Variants in STPG2 observed in about 807,000 individuals in gnomAD.
STPG2 encodes the protein sperm tail PG-rich repeat containing 2.
Under a neutral mutation model 54.2 loss-of-function variants are expected in STPG2, and 56 were observed. The ratio of observed to expected loss-of-function variants is 1.03; its 90% CI spans 0.83 to 1.29. The LOEUF (loss-of-function observed/expected upper bound fraction) is 1.29. STPG2 is among the 50% of genes most tolerant of loss of function. STPG2 has a pLI of 0.00. For missense variants in STPG2, 596 were observed against 544.9 expected (o/e 1.09, Z -0.93); for synonymous variants, 200 against 181.8 (o/e 1.10, Z -0.81).
intron 5 of STPG2, among the ~76,000 whole-genome samples, chr4:98,048,194 G>A (rs1389231183): frequency 6.6e-6 from 1 of 152,114 alleles, no homozygotes; most frequent in Non-Finnish European, 1.5e-5. Flanking sequence ...ATGAAGCAAT[G>A]TATTATAATC....
chr4:97,632,771 T>G (rs1451865139), intron 10 of STPG2, among the ~76,000 whole-genome samples: 2 of 152,168 alleles, frequency 1.3e-5, no homozygotes, highest in Non-Finnish European at 2.9e-5. Context: ...GAAATAGAAC[T>G]AATTTCTCCA....
chr4:97,593,447 T>C (rs1331096768), intron 10 of STPG2, among the ~76,000 whole-genome samples: 1 of 152,108 alleles, frequency 6.6e-6, no homozygotes, highest in Non-Finnish European at 1.5e-5. Flanking sequence ...CAACCGCAAT[T>C]CTTGCCTAGC....
At chr4:97,993,447 A>T (rs1309044629) in intron 5 of STPG2, among the ~76,000 whole-genome samples, 1 of 152,052 alleles carries the variant, frequency 6.6e-6, no homozygotes, top group Non-Finnish European at 1.5e-5. Context: ...ATAGTGGATT[A>T]TCTTTTGTAT....
At chr4:97,984,617 G>T (rs1464519594) in intron 5 of STPG2, among the ~76,000 whole-genome samples, 2 of 151,948 alleles carry the variant, frequency 1.3e-5, no homozygotes, top group Admixed American at 6.6e-5. Flanking sequence ...TTTGTTTTCA[G>T]TTTAGTTTTT....
At chr4:97,890,165 T>A (rs943959221) in intron 8 of STPG2, among the ~76,000 whole-genome samples, 6 of 152,054 alleles carry the variant, frequency 3.9e-5, no homozygotes, top group African/African-American at 1.4e-4. Context: ...TAATCCTGAA[T>A]GTTTCCCACA....
intron 9 of STPG2, among the ~76,000 whole-genome samples, chr4:97,802,235 T>C (rs1727422587): frequency 1.3e-5 from 2 of 152,176 alleles, no homozygotes. Flanking sequence ...TTTTGAATGA[T>C]GTGGTTTCAC....
rs116148746 is a variant in STPG2 at position 97,458,311 on chromosome 4, A to G, written c.462+254388T>C. ...GATGCAAAATTGGTTTAAAATTAAT[A>G]TGAACTGAAGAACAATTCATTTGTC... On this transcript the variant is annotated intron_variant, in intron 4 of 4. Transcript: ENST00000522676. 4.8e-3 allele frequency among the ~76,000 whole-genome samples: 731 copies of G among 152,322 alleles called. 3 individuals are homozygous for G. The highest frequency in any genetic ancestry group is 0.017 in the African/African-American group (691 of 41,574).
At chr4:98,093,480 G>A (rs866628451) in intron 5 of STPG2, among the ~76,000 whole-genome samples, 1 of 151,988 alleles carries the variant, frequency 6.6e-6, no homozygotes, top group Non-Finnish European at 1.5e-5. Flanking sequence ...TACTATAGGA[G>A]GGGGATAAAG....
At chr4:97,877,820 T>C (rs190754758) in intron 8 of STPG2, among the ~76,000 whole-genome samples, 2 of 152,118 alleles carry the variant, frequency 1.3e-5, no homozygotes, top group Admixed American at 1.3e-4. Context: ...TCCCCAAAAG[T>C]CTTAACTCAT....
chr4:97,867,260 T>C (rs1729826054), intron 8 of STPG2, among the ~76,000 whole-genome samples: 1 of 151,988 alleles, frequency 6.6e-6, no homozygotes. Context: ...GGTATTTTGC[T>C]GTCTCATTAT....
chr4:97,944,055 T>C, intron 7 of STPG2, 48 bp from the exon 8 acceptor site: 2 of 1,178,718 alleles, frequency 1.7e-6, no homozygotes, highest in Non-Finnish European at 2.5e-6. Flanking sequence ...TTTTTATCAA[T>C]ACAAGAGGCA....
At chr4:97,712,421 G>A (rs1168946843) in intron 10 of STPG2, among the ~76,000 whole-genome samples, 17 of 152,056 alleles carry the variant, frequency 1.1e-4, no homozygotes, top group Non-Finnish European at 7.4e-5. Context: ...ATGTAAGCAA[G>A]TGAACTTTAA....
intron 5 of STPG2, among the ~76,000 whole-genome samples, chr4:98,054,132 A>C (rs908641862): frequency 6.6e-6 from 1 of 152,146 alleles, no homozygotes; most frequent in African/African-American, 2.4e-5. Flanking sequence ...TTTTAAAGAG[A>C]AAAACAGCTT....
intron 8 of STPG2, among the ~76,000 whole-genome samples, chr4:97,934,397 G>A (rs946986296): frequency 6.6e-6 from 1 of 152,120 alleles, no homozygotes; most frequent in Non-Finnish European, 1.5e-5. Flanking sequence ...CAAATACTAT[G>A]TTGAAAAGGA....
intron 8 of STPG2, among the ~76,000 whole-genome samples, chr4:97,936,217 T>A (rs182881422): frequency 1.2e-4 from 19 of 152,338 alleles, no homozygotes; most frequent in African/African-American, 4.6e-4. Context: ...TTTTTCTGTT[T>A]ACCATTTGCT....
At chr4:97,910,506 C>T (rs1560584867) in intron 8 of STPG2, among the ~76,000 whole-genome samples, 1 of 152,154 alleles carries the variant, frequency 6.6e-6, no homozygotes, top group Non-Finnish European at 1.5e-5. Flanking sequence ...CAGAAAAGTA[C>T]TGTGGCGTTT....
chr4:97,738,876 CA>C (rs1725118092), intron 9 of STPG2, among the ~76,000 whole-genome samples: 1 of 152,182 alleles, frequency 6.6e-6, no homozygotes, highest in Non-Finnish European at 1.5e-5. Flanking sequence ...TAGACATCTA[CA>C]GAACTCTCCA....
chr4:97,861,208 GACAA>G (rs1729521290), intron 8 of STPG2, among the ~76,000 whole-genome samples: 1 of 152,048 alleles, frequency 6.6e-6, no homozygotes, highest in Non-Finnish European at 1.5e-5. Context: ...CTCAGAAGAA[GACAA>G]ACAAATGACA....
intron 10 of STPG2, among the ~76,000 whole-genome samples, chr4:97,692,503 A>C (rs1343852613): frequency 6.6e-6 from 1 of 152,164 alleles, no homozygotes; most frequent in Non-Finnish European, 1.5e-5. Flanking sequence ...CAAAGAAAAA[A>C]TAATTTTAAA....
Sources: gnomAD v4.1 joint callset for allele counts (sites outside exome capture counted in the v4.1 genomes callset) on GRCh38, gnomAD v4.1.1 for gene constraint, MANE v1.5 for transcripts, NCBI Gene and HGNC (gene_info 2026-07-23, HGNC 2026-07-21) for gene names.